ZNF423: variants seen among roughly 807,000 people sequenced by gnomAD.
ZNF423 encodes zinc finger protein 423.
A neutral mutation model predicts 95.8 loss-of-function variants in ZNF423; 12 were observed. The ratio of observed to expected loss-of-function variants is 0.13; its 90% CI spans 0.08 to 0.20. The LOEUF is 0.20. Ranked by LOEUF, ZNF423 falls within the 10% of genes least tolerant of loss-of-function variation. ZNF423 has a pLI of 1.00. For synonymous variants in ZNF423, 749 were observed against 711.9 expected, an observed-to-expected ratio of 1.05 and a Z score of -0.83; for missense variants, 1,316 against 1,737.1, an observed-to-expected ratio of 0.76 and a Z score of 4.31.
chr16:49,568,446 C>T (rs1970260131), intron 5 of ZNF423, among the ~76,000 whole-genome samples: 1 of 152,146 alleles, frequency 6.6e-6, no homozygotes, highest in African/African-American at 2.4e-5. Flanking sequence ...GTGAGCCCTT[C>T]CCCTTGTTCC....
rs186577811 is a variant in ZNF423 at position 49,731,105 on chromosome 16, A to G, written c.101-134T>C. 2.7e-3 allele frequency: 2,794 copies of G among 1,033,374 alleles called. 8 individuals are homozygous for G. The highest frequency in any genetic ancestry group is 3.7e-3 in the Non-Finnish European group (2,609 of 713,440). The allele number at this position is 1,033,374 out of a possible 1,614,324, so 64.0% of individuals were successfully genotyped here. A position where few individuals can be genotyped will look rare whatever the true frequency, so the allele number is the denominator to read the frequency against. ...GGGTCCATTATCCTTGACACCTCTC[A>G]GTATATTAATAGATGGGGTTTTTTT... On this transcript the variant is annotated intron_variant, in intron 2 of 7. Coordinates refer to ENST00000563137, the MANE Select transcript of ZNF423 (RefSeq NM_001379286.1).
At chr16:49,717,331 G>C (rs73573340) in intron 3 of ZNF423, among the ~76,000 whole-genome samples, 15,574 of 152,222 alleles carry the variant, frequency 0.1, 1,171 homozygotes, top group South Asian at 0.28. Context: ...TGGTAGGGCT[G>C]GCTGGACTTC....
In ZNF423 at chr16:49,704,368, G is replaced by T. The variant is rs544418750; in HGVS notation, c.301+26403C>A. Among the ~76,000 whole-genome samples, 4 of 152,116 alleles carry T rather than the reference G, an allele frequency of 2.6e-5. No individual in the cohort carries two copies. In the East Asian group the frequency reaches 5.8e-4, roughly 22 times the overall value. ...CTGGGTCCCTCAGTCCTACCCACAGGGCTCTGACACCTTTCTCCTTGGATG... is the reference window on the plus strand; with the variant it reads ...CTGGGTCCCTCAGTCCTACCCACAGTGCTCTGACACCTTTCTCCTTGGATG... On this transcript the variant is annotated intron_variant, in intron 3 of 7. Coordinates refer to ENST00000563137, the MANE Select transcript of ZNF423 (RefSeq NM_001379286.1).
chr16:49,705,485 AC>A lies in ZNF423; in HGVS notation c.301+25285del, dbSNP rs199723111. Among the ~76,000 whole-genome samples, 1,513 of 152,298 alleles carry A rather than the reference AC, an allele frequency of 9.9e-3. 21 individuals are homozygous for A. The highest frequency in any genetic ancestry group is 0.012 in the Non-Finnish European group (823 of 68,028). On this transcript the variant is annotated intron_variant, in intron 3 of 7. Transcript: ENST00000563137. ...TGACTCTCTGGATCTCTAGGTTATA[AC>A]TGGATTTTCTTCTTTTCACTTCTCT...
intron 1 of ZNF423, among the ~76,000 whole-genome samples, chr16:49,843,838 C>A (rs1454936316): frequency 6.6e-6 from 1 of 152,046 alleles, no homozygotes. Flanking sequence ...GCAGACCACC[C>A]CCCCTCCAAA....
At chr16:49,688,126 T>C (rs554187516) in intron 3 of ZNF423, among the ~76,000 whole-genome samples, 10 of 143,394 alleles carry the variant, frequency 7.0e-5, no homozygotes, top group Non-Finnish European at 1.5e-4. Flanking sequence ...CAAATTCACA[T>C]TGGGCAGGGC....
intron 4 of ZNF423, among the ~76,000 whole-genome samples, chr16:49,629,638 G>A (rs188525328): frequency 6.6e-6 from 1 of 152,328 alleles, no homozygotes; most frequent in East Asian, 1.9e-4. Context: ...TTGTGTCAGG[G>A]TGGATTGGTT....
chr16:49,606,564 G>T (rs1294451252), intron 5 of ZNF423, among the ~76,000 whole-genome samples: 1 of 152,204 alleles, frequency 6.6e-6, no homozygotes, highest in African/African-American at 2.4e-5. Flanking sequence ...GGGATGCCCA[G>T]GGGGCTCAGG....
intron 2 of ZNF423, among the ~76,000 whole-genome samples, chr16:49,759,886 G>C (rs916775928): frequency 1.3e-5 from 2 of 152,054 alleles, no homozygotes; most frequent in Admixed American, 1.3e-4. Flanking sequence ...GTTCTCTTTA[G>C]AGAGATTGCG....
In ZNF423 at chr16:49,541,607, C is replaced by A. The variant is rs1222106380; in HGVS notation, c.3602-16113G>T. Among the ~76,000 whole-genome samples, 3 of 152,156 alleles carry A rather than the reference C, an allele frequency of 2.0e-5. No individual in the cohort carries two copies. In the East Asian group the frequency reaches 5.8e-4, roughly 29 times the overall value. ...GTTTTCCTGCAATGAACATGTATAG[C>A]CTTTGTAATTTATATGGTTTGGCTC... On this transcript the variant is annotated intron_variant, in intron 5 of 7. Transcript: ENST00000563137.
At chr16:49,729,639 C>CTAT (rs34889282) in intron 3 of ZNF423, among the ~76,000 whole-genome samples, 3,329 of 138,900 alleles carry the variant, frequency 0.024, 46 homozygotes, top group Non-Finnish European at 0.028. Flanking sequence ...CCTCTTAGGT[C>CTAT]TATTATTATT....
At chr16:49,732,304 C>G (rs774322637) in intron 2 of ZNF423, among the ~76,000 whole-genome samples, 3 of 152,202 alleles carry the variant, frequency 2.0e-5, no homozygotes, top group Non-Finnish European at 2.9e-5. Flanking sequence ...AATCAAAGTG[C>G]AAAAGCGTGT....
intron 4 of ZNF423, among the ~76,000 whole-genome samples, chr16:49,633,835 C>A (rs1031548828): frequency 6.6e-6 from 1 of 152,170 alleles, no homozygotes; most frequent in South Asian, 2.1e-4. Flanking sequence ...GCTCTCCACT[C>A]CAGACAGGAC....
rs997124233 is a variant in ZNF423 at position 49,511,061 on chromosome 16, G to A, written c.3849+12563C>T. Reference sequence around the variant, plus strand: ...AGGGGAGGCCCCCCAGTCCCCACCTGGGCCTCCACACACTTCATTGCTCAG... The same window carrying A: ...AGGGGAGGCCCCCCAGTCCCCACCTAGGCCTCCACACACTTCATTGCTCAG... On this transcript the variant is annotated intron_variant, in intron 7 of 7. Coordinates refer to ENST00000563137, the MANE Select transcript of ZNF423 (RefSeq NM_001379286.1). 9.9e-5 allele frequency among the ~76,000 whole-genome samples: 15 copies of A among 152,210 alleles called. No homozygotes were observed. The South Asian group carries it at 1.2e-3, about 13-fold the overall frequency.
At chr16:49,532,319 G>A (rs893517620) in intron 5 of ZNF423, among the ~76,000 whole-genome samples, 6 of 152,092 alleles carry the variant, frequency 3.9e-5, no homozygotes, top group South Asian at 2.1e-4. Context: ...TCCACCCTTC[G>A]GTGTCCTCCT....
intron 4 of ZNF423, among the ~76,000 whole-genome samples, chr16:49,634,351 C>T (rs972396745): frequency 2.6e-5 from 4 of 152,084 alleles, no homozygotes; most frequent in African/African-American, 4.8e-5. Flanking sequence ...CACCCGGCCT[C>T]GCTATTTTCA....
rs963192693 is a variant in ZNF423, at chr16:49,624,507, C to T, written c.3601+1663G>A. On this transcript the variant is annotated intron_variant, in intron 5 of 7. Coordinates refer to ENST00000563137, the MANE Select transcript of ZNF423 (RefSeq NM_001379286.1). ...GGCGGAGGTTGCAGTGGGCAGAGAT[C>T]GTGCCACTGCACTCCAGCCTGGGTG... is the stretch of plus-strand genomic sequence containing the variant. 5.3e-5 allele frequency among the ~76,000 whole-genome samples: 8 copies of T among 152,176 alleles called. No homozygotes were observed. The East Asian group carries it at 5.8e-4, about 11-fold the overall frequency.
At chr16:49,746,432 C>T (rs929527289) in intron 2 of ZNF423, among the ~76,000 whole-genome samples, 3 of 152,164 alleles carry the variant, frequency 2.0e-5, no homozygotes, top group Non-Finnish European at 2.9e-5. Context: ...AGCACAAACC[C>T]AGGCTTCTTT....
chr16:49,731,662 AT>A (rs57182010), intron 2 of ZNF423, among the ~76,000 whole-genome samples: 2,443 of 151,508 alleles, frequency 0.016, 29 homozygotes, highest in Non-Finnish European at 0.024. Flanking sequence ...AAAAAAAAAA[AT>A]TTTTTTTTAA....
Sources: gnomAD v4.1 joint callset for allele counts (sites outside exome capture counted in the v4.1 genomes callset) on GRCh38, gnomAD v4.1.1 for gene constraint, MANE v1.5 for transcripts, NCBI Gene and HGNC (gene_info 2026-07-23, HGNC 2026-07-21) for gene names.